TBXAS1: variants seen among roughly 807,000 people sequenced by gnomAD.
The protein encoded by TBXAS1 is thromboxane-A synthase.
TBXAS1 carries 48 observed loss-of-function variants against 60.7 expected under a neutral mutation model. The observed-to-expected ratio is 0.79, with a 90% CI of 0.63 to 1.01. The LOEUF (loss-of-function observed/expected upper bound fraction) is 1.01. Among genes scored for constraint, TBXAS1 ranks in the 50% least tolerant of loss-of-function variants. The pLI, the probability that TBXAS1 is intolerant of heterozygous loss-of-function variation, is 0.00. For missense variants in TBXAS1, 685 were observed against 686.3 expected (o/e 1.00, Z 0.02); for synonymous variants, 287 against 269.7 (o/e 1.06, Z -0.63).
At chr7:140,017,590 G>C in intron 11 of TBXAS1, 81 bp from the exon 12 acceptor site, 2 of 1,575,488 alleles carry the variant, frequency 1.3e-6, no homozygotes, top group Non-Finnish European at 1.7e-6. Flanking sequence ...CTCAGATGCA[G>C]GGGTGGCTCA....
At chr7:139,965,008 C>T (rs1810672267) in intron 9 of TBXAS1, among the ~76,000 whole-genome samples, 7 of 152,202 alleles carry the variant, frequency 4.6e-5, no homozygotes, top group Admixed American at 3.9e-4. Context: ...CACCTGAGGT[C>T]AGGAGTTCAA....
upstream of TBXAS1, among the ~76,000 whole-genome samples, chr7:139,828,106 G>A (rs1370544642): frequency 6.6e-6 from 1 of 152,040 alleles, no homozygotes; most frequent in Non-Finnish European, 1.5e-5. Flanking sequence ...TTCTTCCTCA[G>A]GAACACCAAT....
At chr7:139,883,787 T>C (rs186816264) in intron 3 of TBXAS1, among the ~76,000 whole-genome samples, 21 of 152,352 alleles carry the variant, frequency 1.4e-4, no homozygotes, top group Non-Finnish European at 2.9e-4. Flanking sequence ...CATTGTTATC[T>C]AATACACACA....
chr7:139,940,804 A>G (rs570445747), intron 5 of TBXAS1, among the ~76,000 whole-genome samples: 11 of 152,332 alleles, frequency 7.2e-5, no homozygotes, highest in African/African-American at 2.6e-4. Flanking sequence ...ATAGACATTC[A>G]GGAACAATTA....
chr7:140,019,452 G>A (rs1408187411), intron 12 of TBXAS1, among the ~76,000 whole-genome samples: 3 of 152,128 alleles, frequency 2.0e-5, no homozygotes, highest in Non-Finnish European at 4.4e-5. Context: ...AACCAGCCAG[G>A]AGTCAAGGGC....
chr7:139,984,645 AG>A (rs1812241045), intron 9 of TBXAS1, among the ~76,000 whole-genome samples: 1 of 82,672 alleles, frequency 1.2e-5, no homozygotes, highest in Admixed American at 1.5e-4. Context: ...AGAGAGAGAA[AG>A]AAAGAAAGGG....
chr7:139,784,510 GTGTT>G (rs574767307), intron 3 of TBXAS1, among the ~76,000 whole-genome samples: 55 of 152,348 alleles, frequency 3.6e-4, no homozygotes, highest in African/African-American at 1.1e-3. Context: ...GGCAAGGAGT[GTGTT>G]TGGGGCAGGG....
chr7:139,929,461 AGGAATGAGTCAGGGTGGAGCAGGTGATT>A (rs1459618450), intron 4 of TBXAS1, among the ~76,000 whole-genome samples: 10 of 152,194 alleles, frequency 6.6e-5, no homozygotes, highest in Non-Finnish European at 5.9e-5. Flanking sequence ...AGCATGTAAT[AGGAATGAGTCAGGGTGGAGCAGGTGATT>A]GGAATGAGTC....
intron 1 of TBXAS1, among the ~76,000 whole-genome samples, chr7:139,840,735 T>C (rs1340461573): frequency 1.3e-5 from 2 of 152,138 alleles, no homozygotes; most frequent in East Asian, 1.9e-4. Context: ...ACAGAAAATA[T>C]GGAGTCTAGC....
chr7:139,903,470 T>C (rs1804737438), intron 3 of TBXAS1, among the ~76,000 whole-genome samples: 1 of 152,078 alleles, frequency 6.6e-6, no homozygotes, highest in Non-Finnish European at 1.5e-5. Flanking sequence ...AGTAGTGGGA[T>C]TGCTGGATCA....
intron 3 of TBXAS1, among the ~76,000 whole-genome samples, chr7:139,886,873 G>A (rs1199687915): frequency 6.6e-6 from 1 of 152,110 alleles, no homozygotes; most frequent in African/African-American, 2.4e-5. Context: ...TTCCCCCAAA[G>A]GCTTAGCCTT....
intron 6 of TBXAS1, among the ~76,000 whole-genome samples, 198 bp from the exon 7 acceptor site, chr7:139,955,261 G>A (rs1209976830): frequency 4.6e-5 from 7 of 151,996 alleles, no homozygotes; most frequent in Admixed American, 2.0e-4. Context: ...ACCCTCTGCC[G>A]TCACTGCTCA....
At chr7:139,877,325 G>A (rs143647788) in intron 3 of TBXAS1, among the ~76,000 whole-genome samples, 34 of 152,286 alleles carry the variant, frequency 2.2e-4, no homozygotes, top group South Asian at 1.9e-3. Context: ...TGCTTTAAGC[G>A]TGATAGGTGC....
In TBXAS1 at chr7:139,792,090, C is replaced by G. The variant is rs571876029; in HGVS notation, c.-80+4664C>G. Among the ~76,000 whole-genome samples, 11 of 152,286 alleles carry G rather than the reference C, an allele frequency of 7.2e-5. No individual in the cohort carries two copies. The East Asian group carries it at 2.1e-3, about 29-fold the overall frequency. On this transcript the variant is annotated intron_variant, in intron 4 of 16. Transcript: ENST00000336425. ...TTAGCAAGTTATCTCCACATTAAAA[C>G]TTTAATTTATCAGTTTCGTGCATAT...
intron 3 of TBXAS1, among the ~76,000 whole-genome samples, chr7:139,885,877 G>T (rs1803055522): frequency 3.3e-5 from 5 of 152,228 alleles, no homozygotes; most frequent in Admixed American, 3.3e-4. Context: ...AGATACTAGT[G>T]TGAACTTTCA....
chr7:139,785,911 A>G (rs1797175629), intron 3 of TBXAS1, among the ~76,000 whole-genome samples: 1 of 151,608 alleles, frequency 6.6e-6, no homozygotes, highest in African/African-American at 2.4e-5. Context: ...TTTAAGACCC[A>G]GTTCACATGC....
intron 3 of TBXAS1, among the ~76,000 whole-genome samples, chr7:139,888,137 C>T (rs932236184): frequency 1.3e-5 from 2 of 152,228 alleles, no homozygotes; most frequent in Non-Finnish European, 2.9e-5. Flanking sequence ...TCAACAAATG[C>T]TTGCACTGCA....
chr7:139,964,441 T>A (rs112921856), intron 9 of TBXAS1, among the ~76,000 whole-genome samples: 1 of 152,142 alleles, frequency 6.6e-6, no homozygotes, highest in Non-Finnish European at 1.5e-5. Flanking sequence ...CCTGATAGGC[T>A]TACACCAATC....
rs549500386 is a variant in TBXAS1, at chr7:139,860,125, ACT to A, written c.90-12107_90-12106del. Among the ~76,000 whole-genome samples the A allele has an allele frequency of 1.9e-3, 282 of 152,246 alleles. 1 individual carries two copies. Among genetic ancestry groups the A allele is most frequent in the Non-Finnish European group, 3.5e-3 (240 of 67,990 alleles). On this transcript the variant is annotated intron_variant, in intron 1 of 12. Transcript: ENST00000448866. Reference sequence around the variant, plus strand: ...ACTCCAGCCTGGACAACAGAGGAAGACTCTGTCTCAAAAACAACAACAACAAA... The same window carrying A: ...ACTCCAGCCTGGACAACAGAGGAAGACTGTCTCAAAAACAACAACAACAAA...
Sources: allele counts gnomAD v4.1 joint callset (sites outside exome capture counted in the v4.1 genomes callset), GRCh38; gene constraint gnomAD v4.1.1; transcripts MANE v1.5; gene names NCBI Gene and HGNC (gene_info 2026-07-23, HGNC 2026-07-21).